ZMYND12: variants seen among roughly 807,000 people sequenced by gnomAD.
The protein encoded by ZMYND12 is zinc finger MYND-type containing 12.
A neutral mutation model predicts 41.7 loss-of-function variants in ZMYND12; 32 were observed. The ratio of observed to expected loss-of-function variants is 0.77; its 90% confidence interval spans 0.58 to 1.03. The LOEUF (loss-of-function observed/expected upper bound fraction) is 1.03. Among genes scored for constraint, ZMYND12 ranks in the 50% least tolerant of loss-of-function variants. ZMYND12 has a pLI of 0.00. For synonymous variants in ZMYND12, 148 were observed against 164.8 expected, an observed-to-expected ratio of 0.90 and a Z score of 0.78; for missense variants, 424 against 438.5, an observed-to-expected ratio of 0.97 and a Z score of 0.30.
chr1:42,432,911 C>T, intron 7 of ZMYND12: 1 of 480,906 alleles, frequency 2.1e-6, no homozygotes, highest in East Asian at 4.3e-5. Context: ...CTGCCTCAGA[C>T]TCTCTTTATC....
intron 4 of ZMYND12, among the ~76,000 whole-genome samples, chr1:42,437,418 T>G (rs957594283): frequency 6.8e-6 from 1 of 147,996 alleles, no homozygotes; most frequent in African/African-American, 2.5e-5. Context: ...GGGTGAATTT[T>G]ATGGTATATA....
At chr1:42,439,390 C>T (rs1169909480) in intron 4 of ZMYND12, among the ~76,000 whole-genome samples, 4 of 152,060 alleles carry the variant, frequency 2.6e-5, no homozygotes, top group Non-Finnish European at 4.4e-5. Context: ...CTCAGCCTTC[C>T]GAGTATCTCG....
chr1:42,436,438 C>T lies in ZMYND12; in HGVS notation c.700G>A (p.Asp234Asn). The change falls in exon 5 of 8, where the codon GAC (aspartate) becomes AAC (asparagine). Residue 234 changes from aspartate to asparagine, a missense_variant. Physicochemically the swap from Asp to Asn is conservative, Grantham distance 23 (BLOSUM62 1). Transcript: ENST00000372565. Reference sequence around the variant, plus strand: ...CAGCTCACCTTGGTGTACAATGTGTCTGCCAGGTCCAACTTTTTAAGGTCA... The same window carrying T: ...CAGCTCACCTTGGTGTACAATGTGTTTGCCAGGTCCAACTTTTTAAGGTCA... ...FYDLKKLDLA[D>N]TLYTKVSEIW... 1 of 1,613,476 alleles carries T rather than the reference C, an allele frequency of 6.2e-7. No individual in the cohort carries two copies. The highest frequency in any genetic ancestry group is 1.1e-5 in the South Asian group (1 of 91,056).
intron 3 of ZMYND12, among the ~76,000 whole-genome samples, chr1:42,441,577 CTTTT>C (rs973693576): frequency 2.0e-5 from 3 of 151,792 alleles, no homozygotes; most frequent in South Asian, 4.2e-4. Flanking sequence ...TACATTTTTT[CTTTT>C]TTTGTTTATA....
At chr1:42,447,572 T>C (rs944210436) in intron 3 of ZMYND12, among the ~76,000 whole-genome samples, 1 of 152,192 alleles carries the variant, frequency 6.6e-6, no homozygotes, top group Non-Finnish European at 1.5e-5. Context: ...CACAAAGACA[T>C]TCTCCTTCAT....
At chr1:42,454,763 G>C (rs902857501) in intron 1 of ZMYND12, among the ~76,000 whole-genome samples, 28 of 151,434 alleles carry the variant, frequency 1.8e-4, no homozygotes, top group African/African-American at 6.8e-4. Flanking sequence ...GAGTGCAATG[G>C]AGCGATCTCG....
intron 7 of ZMYND12, 107 bp downstream of exon 7, chr1:42,433,036 G>A: frequency 7.0e-7 from 1 of 1,428,756 alleles, no homozygotes; most frequent in Non-Finnish European, 9.7e-7. Context: ...GTGAGGGCTT[G>A]CTCTGAGGGC....
rs151057260 is a variant in ZMYND12 at position 42,452,760 on chromosome 1, C to A, written c.111-2701G>T. 5.1e-3 allele frequency among the ~76,000 whole-genome samples: 783 copies of A among 152,160 alleles called. 7 individuals are homozygous for A. Among genetic ancestry groups the A allele is most frequent in the African/African-American group, 0.018 (756 of 41,498 alleles). On this transcript the variant is annotated intron_variant, in intron 1 of 7. Transcript: ENST00000372565. Reference sequence around the variant, plus strand: ...TGTCTCTAAAGTAAATAAAAATGTGCTATTCTCTGAGAATGGTCATAATCC... The same window carrying A: ...TGTCTCTAAAGTAAATAAAAATGTGATATTCTCTGAGAATGGTCATAATCC...
In ZMYND12 at chr1:42,449,969, G is replaced by A; in HGVS notation, c.201C>T (p.Tyr67=). The A allele has an allele frequency of 6.2e-7, 1 of 1,613,738 alleles. No homozygotes were observed. The highest frequency in any genetic ancestry group is 1.3e-5 in the African/African-American group (1 of 75,052). Residue 67 remains tyrosine, a synonymous_variant, in exon 2 of 8, where the codon TAC becomes TAT. Coordinates refer to ENST00000372565, the MANE Select transcript of ZMYND12 (RefSeq NM_032257.5). The part of the protein sequence containing the change: ...LIPLRTSMPF[Y]NSEEERQHGL... ...CATGCTGCCGTTCTTCCTCTGAATT[G>A]TAGAAGGGCATGGAAGTGCGCAGTG...
intron 3 of ZMYND12, among the ~76,000 whole-genome samples, chr1:42,448,140 A>G (rs1643042525): frequency 6.6e-6 from 1 of 152,216 alleles, no homozygotes; most frequent in Non-Finnish European, 1.5e-5. Context: ...ATACCCAGAG[A>G]GAAGTAGATA....
chr1:42,440,418 T>A (rs1404031630), intron 3 of ZMYND12, among the ~76,000 whole-genome samples: 1 of 152,146 alleles, frequency 6.6e-6, no homozygotes, highest in Non-Finnish European at 1.5e-5. Context: ...ATTCCATTTA[T>A]ATGAAATGTC....
chr1:42,438,860 G>GCTAACTCAGAT (rs1553178949), intron 4 of ZMYND12, among the ~76,000 whole-genome samples: 1 of 152,146 alleles, frequency 6.6e-6, no homozygotes, highest in Non-Finnish European at 1.5e-5. Flanking sequence ...CTGACTCTAC[G>GCTAACTCAGAT]CTAACTCAGA....
At chr1:42,444,802 CTTT>C (rs34129195) in intron 3 of ZMYND12, among the ~76,000 whole-genome samples, 9 of 124,546 alleles carry the variant, frequency 7.2e-5, no homozygotes, top group Non-Finnish European at 6.8e-5. Context: ...AGGAGTAGTT[CTTT>C]TTTTTTTTTT....
chr1:42,447,029 C>A (rs1008638496), intron 3 of ZMYND12, among the ~76,000 whole-genome samples: 7 of 152,018 alleles, frequency 4.6e-5, no homozygotes, highest in African/African-American at 1.7e-4. Flanking sequence ...AATACTGATA[C>A]AAATAACTAA....
Position 42,448,480 on chromosome 1 carries a change from G to A in ZMYND12, c.411C>T (p.Ala137=), listed in dbSNP as rs375554276. The part of the protein sequence containing the change: ...VELVPAYLLL[A]EASLGLGRIV... ...GGTTTCACTCACCAAGGCTGGCCTC[G>A]GCCAACAGCAGGTAAGCAGGCACAA... The change falls in exon 3 of 8, where the codon GCC becomes GCT. Residue 137 remains alanine, a synonymous_variant. Coordinates refer to ENST00000372565, the MANE Select transcript of ZMYND12 (RefSeq NM_032257.5). 52 of 1,597,960 alleles carry A rather than the reference G, an allele frequency of 3.3e-5. No individual in the cohort carries two copies. In the African/African-American group the frequency reaches 5.4e-4, roughly 17 times the overall value.
Position 42,433,159 on chromosome 1 carries a change from A to C in ZMYND12, c.959T>G (p.Met320Arg). ...LKILVMFYYL[M>R]MNSSKAQEYG... ...GAAACTTGCCTTTGAAGAATTCATC[A>C]TCAGGTAGTAAAACATGACCAGGAT... The change falls in exon 7 of 8, where the codon ATG (methionine) becomes AGG (arginine). Residue 320 changes from methionine (M) to arginine (R), a missense_variant. Met to Arg is a moderately conservative substitution (Grantham distance 91). Transcript: ENST00000372565. 2 of 1,609,810 alleles carry C rather than the reference A, an allele frequency of 1.2e-6. No individual in the cohort carries two copies. Among genetic ancestry groups the C allele is most frequent in the Non-Finnish European group, 1.7e-6 (2 of 1,178,662 alleles).
Position 42,436,418 on chromosome 1 carries a change from C to T in ZMYND12, c.717+3G>A. On this transcript the variant is annotated splice_donor_region_variant and intron_variant, in intron 5 of 7. Transcript: ENST00000372565. ...GGCTCAGCTCCCACATTCCCCAGCT[C>T]ACCTTGGTGTACAATGTGTCTGCCA... 1 of 1,613,056 alleles carries T rather than the reference C, an allele frequency of 6.2e-7. No individual in the cohort carries two copies. Among genetic ancestry groups the T allele is most frequent in the Non-Finnish European group, 8.5e-7 (1 of 1,179,188 alleles).
At chr1:42,447,778 T>C (rs1014131476) in intron 3 of ZMYND12, among the ~76,000 whole-genome samples, 1 of 152,154 alleles carries the variant, frequency 6.6e-6, no homozygotes, top group Non-Finnish European at 1.5e-5. Flanking sequence ...TTAAAACATA[T>C]GAAGCATTTT....
intron 6 of ZMYND12, 102 bp from the exon 7 acceptor site, chr1:42,433,390 C>A: frequency 7.4e-7 from 1 of 1,342,436 alleles, no homozygotes; most frequent in Non-Finnish European, 9.9e-7. Flanking sequence ...CTGAAGCCTT[C>A]CCAAGGGCAC....
Sources: allele counts gnomAD v4.1 joint callset (sites outside exome capture counted in the v4.1 genomes callset), GRCh38; gene constraint gnomAD v4.1.1; transcripts MANE v1.5; gene names NCBI Gene and HGNC (gene_info 2026-07-23, HGNC 2026-07-21).